The following NIM1K variants were observed in gnomAD, a reference collection of about 807,000 sequenced individuals.
NIM1K encodes the protein NIM1 serine/threonine protein kinase.
NIM1K carries 35 observed loss-of-function variants against 37.1 expected under a neutral mutation model. That is an observed-to-expected ratio of 0.94 (90% CI 0.72 to 1.25). The LOEUF (loss-of-function observed/expected upper bound fraction) is 1.25, where lower values mean the gene tolerates loss of function less well. Ranked by LOEUF, NIM1K falls within the 50% of genes most tolerant of loss-of-function variation. The probability of loss-of-function intolerance (pLI) is 0.00; values close to 1 mark genes in which losing one functional copy is unlikely to be tolerated. For missense variants in NIM1K, 564 were observed against 548.0 expected, an observed-to-expected ratio of 1.03 and a Z score of -0.29; for synonymous variants, 234 against 206.6, an observed-to-expected ratio of 1.13 and a Z score of -1.14.
chr5:43,212,264 C>T (rs552179049), intron 1 of NIM1K, among the ~76,000 whole-genome samples: 2 of 151,978 alleles, frequency 1.3e-5, no homozygotes, highest in Non-Finnish European at 2.9e-5. Context: ...GCTTGGCCAA[C>T]GGATCGCACA....
chr5:43,209,771 C>G (rs893990395), intron 1 of NIM1K, among the ~76,000 whole-genome samples: 1 of 151,940 alleles, frequency 6.6e-6, no homozygotes, highest in Non-Finnish European at 1.5e-5. Flanking sequence ...GGCGCCACCA[C>G]GCCCAGCTAA....
intron 1 of NIM1K, among the ~76,000 whole-genome samples, chr5:43,236,174 G>A (rs962308181): frequency 1.3e-5 from 2 of 152,018 alleles, no homozygotes; most frequent in Admixed American, 6.6e-5. Flanking sequence ...GCTGAGGTGG[G>A]AGAAACACCT....
chr5:43,194,700 A>C (rs1379940472), intron 1 of NIM1K: 1 of 152,218 alleles, frequency 6.6e-6, no homozygotes, highest in Non-Finnish European at 1.5e-5. Context: ...TCTGAGCTTC[A>C]AATTCTAACA....
chr5:43,234,242 T>TTCA lies in NIM1K; in HGVS notation c.-694-10839_-694-10838insCAT, dbSNP rs1752584431. ...ACAGAGTTGTCATGTCGTGTCATTC[T>TTCA]TTCATTCATTCATTCATTCATTCAT... On this transcript the variant is annotated intron_variant, in intron 1 of 3. Coordinates refer to ENST00000326035, the MANE Select transcript of NIM1K (RefSeq NM_153361.4). 5.3e-5 allele frequency among the ~76,000 whole-genome samples: 8 copies of TTCA among 151,262 alleles called. No individual in the cohort carries two copies. In the East Asian group the frequency reaches 9.8e-4, roughly 18 times the overall value.
At chr5:43,272,264 C>A (rs1400939128) in intron 2 of NIM1K, among the ~76,000 whole-genome samples, 1 of 152,136 alleles carries the variant, frequency 6.6e-6, no homozygotes, top group African/African-American at 2.4e-5. Flanking sequence ...CCTCTCCCTA[C>A]TTTTCTCTAG....
intron 1 of NIM1K, among the ~76,000 whole-genome samples, chr5:43,235,706 A>G (rs769363220): frequency 4.6e-5 from 7 of 152,250 alleles, no homozygotes; most frequent in Non-Finnish European, 1.0e-4. Context: ...GGACCACTGA[A>G]TTAAACAGAC....
intron 2 of NIM1K, among the ~76,000 whole-genome samples, chr5:43,266,662 G>T (rs1445318419): frequency 6.6e-6 from 1 of 152,212 alleles, no homozygotes; most frequent in Non-Finnish European, 1.5e-5. Flanking sequence ...CGGTACCTCA[G>T]TTGGAAATGC....
chr5:43,229,094 C>A (rs1171550695), intron 1 of NIM1K, among the ~76,000 whole-genome samples: 2 of 152,042 alleles, frequency 1.3e-5, no homozygotes, highest in Non-Finnish European at 2.9e-5. Flanking sequence ...TCAATAAAGA[C>A]TTTTGGGCCA....
chr5:43,255,673 C>G (rs1000092958), intron 2 of NIM1K, among the ~76,000 whole-genome samples: 3 of 150,706 alleles, frequency 2.0e-5, no homozygotes, highest in African/African-American at 7.3e-5. Context: ...CGCTTGAACC[C>G]AGGAGGGGGA....
intron 2 of NIM1K, among the ~76,000 whole-genome samples, chr5:43,267,919 T>C (rs1446422181): frequency 6.6e-6 from 1 of 152,192 alleles, no homozygotes; most frequent in Admixed American, 6.5e-5. Flanking sequence ...AGAAAGTATA[T>C]TCTATAGTTT....
chr5:43,270,714 A>C (rs1352005307), intron 2 of NIM1K, among the ~76,000 whole-genome samples: 1 of 152,202 alleles, frequency 6.6e-6, no homozygotes, highest in East Asian at 1.9e-4. Context: ...GCATGGGTGC[A>C]GGCAGAGAGT....
intron 2 of NIM1K, among the ~76,000 whole-genome samples, chr5:43,269,576 C>T (rs990176699): frequency 6.7e-6 from 1 of 150,162 alleles, no homozygotes; most frequent in Non-Finnish European, 1.5e-5. Flanking sequence ...TTGATTATTA[C>T]CTGGATCCTT....
chr5:43,204,783 G>A (rs1279134136), intron 1 of NIM1K, among the ~76,000 whole-genome samples: 1 of 152,048 alleles, frequency 6.6e-6, no homozygotes, highest in Non-Finnish European at 1.5e-5. Context: ...GAGGCGGGTG[G>A]ATTACTTGAG....
intron 3 of NIM1K, among the ~76,000 whole-genome samples, chr5:43,278,657 C>T (rs1753391460): frequency 6.6e-6 from 1 of 152,154 alleles, no homozygotes; most frequent in South Asian, 2.1e-4. Context: ...GTTGTAGGAG[C>T]AAGAACTGGG....
At chr5:43,242,270 T>C (rs1455962453) in intron 1 of NIM1K, among the ~76,000 whole-genome samples, 2 of 151,902 alleles carry the variant, frequency 1.3e-5, no homozygotes, top group Non-Finnish European at 2.9e-5. Flanking sequence ...TCTCAAACTC[T>C]ACTGTAAATC....
intron 1 of NIM1K, among the ~76,000 whole-genome samples, chr5:43,201,221 A>T (rs1332976575): frequency 6.6e-6 from 1 of 152,050 alleles, no homozygotes; most frequent in African/African-American, 2.4e-5. Context: ...CATTCTGGCT[A>T]ACACGGTGAA....
At chr5:43,232,825 T>A in intron 1 of NIM1K, 1 of 1,031,770 alleles carries the variant, frequency 9.7e-7, no homozygotes, top group Non-Finnish European at 1.5e-6. Flanking sequence ...CAAAACGAGG[T>A]CAGTGATCTC....
intron 2 of NIM1K, among the ~76,000 whole-genome samples, chr5:43,262,558 G>A (rs1220534384): frequency 6.6e-6 from 1 of 152,114 alleles, no homozygotes; most frequent in Non-Finnish European, 1.5e-5. Context: ...TGCAAACAGG[G>A]ACAATTTGAC....
At chr5:43,232,451 G>C in intron 1 of NIM1K, 1 of 1,489,852 alleles carries the variant, frequency 6.7e-7, no homozygotes, top group Non-Finnish European at 9.4e-7. Context: ...AAATCTCAGG[G>C]AAGCAGTGAT....
Sources: gnomAD v4.1 joint callset for allele counts (sites outside exome capture counted in the v4.1 genomes callset) on GRCh38, gnomAD v4.1.1 for gene constraint, MANE v1.5 for transcripts, NCBI Gene and HGNC (gene_info 2026-07-23, HGNC 2026-07-21) for gene names.